Variants in NELL1 observed in about 807,000 individuals in gnomAD.
NELL1 encodes the protein protein kinase C-binding protein NELL1.
In NELL1, 76 loss-of-function variants were observed where a neutral mutation model predicts 107.4. The observed-to-expected ratio is 0.71, with a 90% CI of 0.59 to 0.86. The LOEUF is 0.86. Ranked by LOEUF, NELL1 falls within the 40% of genes least tolerant of loss-of-function variation. NELL1 has a pLI of 0.00. For synonymous variants in NELL1, 353 were observed against 341.2 expected, an observed-to-expected ratio of 1.03 and a Z score of -0.38; for missense variants, 1,024 against 1,005.5, an observed-to-expected ratio of 1.02 and a Z score of -0.25.
At chr11:20,785,286 A>G (rs1039269315) in intron 3 of NELL1, among the ~76,000 whole-genome samples, 1 of 152,180 alleles carries the variant, frequency 6.6e-6, no homozygotes, top group Non-Finnish European at 1.5e-5. Flanking sequence ...GACCCTGATC[A>G]TTTTGTGGGG....
At chr11:20,798,005 A>G (rs1462047286) in intron 3 of NELL1, among the ~76,000 whole-genome samples, 1 of 152,234 alleles carries the variant, frequency 6.6e-6, no homozygotes, top group Non-Finnish European at 1.5e-5. Flanking sequence ...ATGCTGCCAA[A>G]TGCTAGGAGA....
chr11:21,245,571 C>G (rs965491802), intron 14 of NELL1, among the ~76,000 whole-genome samples: 2 of 152,182 alleles, frequency 1.3e-5, no homozygotes, highest in African/African-American at 2.4e-5. Context: ...GAATATCACT[C>G]TCTGTCCTGG....
intron 13 of NELL1, among the ~76,000 whole-genome samples, chr11:21,161,930 T>C (rs899313266): frequency 1.4e-5 from 2 of 145,020 alleles, no homozygotes; most frequent in Non-Finnish European, 3.0e-5. Flanking sequence ...CAATCTTTTC[T>C]CTGGGAACAT....
intron 15 of NELL1, among the ~76,000 whole-genome samples, chr11:21,421,883 T>A (rs2133822870): frequency 6.6e-6 from 1 of 152,244 alleles, no homozygotes; most frequent in East Asian, 1.9e-4. Flanking sequence ...AAAGATAATC[T>A]GGAAAGCGGC....
At chr11:20,927,986 T>C (rs1413615245) in intron 8 of NELL1, among the ~76,000 whole-genome samples, 3 of 152,216 alleles carry the variant, frequency 2.0e-5, no homozygotes, top group African/African-American at 7.2e-5. Flanking sequence ...CCCTGTCCAG[T>C]TGAAATTACT....
At chr11:21,152,290 C>T (rs911467979) in intron 13 of NELL1, among the ~76,000 whole-genome samples, 2 of 152,160 alleles carry the variant, frequency 1.3e-5, no homozygotes, top group Admixed American at 1.3e-4. Flanking sequence ...CCAATTCTCT[C>T]CTCGCCACCT....
At chr11:21,397,293 T>C (rs1220848471) in intron 15 of NELL1, among the ~76,000 whole-genome samples, 2 of 151,628 alleles carry the variant, frequency 1.3e-5, no homozygotes, top group Admixed American at 1.3e-4. Flanking sequence ...GCATCAGGCA[T>C]GAATAGATTC....
intron 14 of NELL1, among the ~76,000 whole-genome samples, chr11:21,269,391 C>G (rs1848697497): frequency 6.6e-6 from 1 of 151,562 alleles, no homozygotes; most frequent in Non-Finnish European, 1.5e-5. Flanking sequence ...CACACACACA[C>G]AGAGGCATAT....
chr11:21,384,285 G>A (rs557687357), intron 15 of NELL1, among the ~76,000 whole-genome samples: 17 of 151,846 alleles, frequency 1.1e-4, no homozygotes, highest in African/African-American at 3.1e-4. Flanking sequence ...TTTTCACTGC[G>A]TAAAAGTCAA....
At chr11:21,411,005 A>T (rs1024460773) in intron 15 of NELL1, among the ~76,000 whole-genome samples, 5 of 152,096 alleles carry the variant, frequency 3.3e-5, no homozygotes, top group African/African-American at 1.2e-4. Flanking sequence ...AATATACCAG[A>T]TGTGATAGAA....
intron 2 of NELL1, among the ~76,000 whole-genome samples, chr11:20,757,109 C>G (rs1856313637): frequency 6.6e-6 from 1 of 151,766 alleles, no homozygotes; most frequent in Non-Finnish European, 1.5e-5. Flanking sequence ...CTCTGTAACT[C>G]CTTTCTTTCT....
chr11:21,151,253 T>C (rs1305265403), intron 13 of NELL1, among the ~76,000 whole-genome samples: 1 of 152,110 alleles, frequency 6.6e-6, no homozygotes, highest in Non-Finnish European at 1.5e-5. Context: ...GCTTCATTTG[T>C]TGTTTGTTTA....
chr11:20,885,451 G>A lies in NELL1; in HGVS notation c.514G>A (p.Glu172Lys), dbSNP rs1327462504. ...LLHVDCNRIYERVIDPPDTNL... is the reference protein window; with the variant it reads ...LLHVDCNRIYKRVIDPPDTNL... The stretch of plus-strand genomic sequence containing the variant: ...TGTTCTTTGCCTTTACAGGATTTAT[G>A]AGCGTGTGATAGACCCTCCAGATAC... Residue 172 changes from glutamate to lysine, a missense_variant, in exon 5 of 20, where the codon GAG becomes AAG. By Grantham distance (56) the Glu-to-Lys change is moderately conservative. Coordinates refer to ENST00000357134, the MANE Select transcript of NELL1 (RefSeq NM_006157.5). 5 of 1,607,990 alleles carry A rather than the reference G, an allele frequency of 3.1e-6. No individual in the cohort carries two copies. In the East Asian group the frequency reaches 6.7e-5, roughly 22 times the overall value.
intron 3 of NELL1, among the ~76,000 whole-genome samples, chr11:20,823,576 G>T (rs1222071667): frequency 6.6e-6 from 1 of 151,362 alleles, no homozygotes; most frequent in Admixed American, 6.6e-5. Context: ...TATTTTAATT[G>T]CTTGGAGAGC....
intron 12 of NELL1, among the ~76,000 whole-genome samples, chr11:21,069,253 C>T (rs1028421618): frequency 2.6e-5 from 4 of 152,034 alleles, no homozygotes; most frequent in African/African-American, 9.7e-5. Context: ...CAAAGCTGCA[C>T]GTCCTGCACA....
At chr11:20,931,082 T>C (rs1850608032) in intron 9 of NELL1, among the ~76,000 whole-genome samples, 1 of 152,150 alleles carries the variant, frequency 6.6e-6, no homozygotes, top group South Asian at 2.1e-4. Context: ...TACTGATGCC[T>C]GGAATAATGA....
intron 9 of NELL1, among the ~76,000 whole-genome samples, chr11:20,931,808 G>A (rs2134177648): frequency 6.6e-6 from 1 of 151,780 alleles, no homozygotes; most frequent in Admixed American, 6.6e-5. Context: ...TTTTTGTGGA[G>A]CTGCCTGAAG....
At chr11:20,987,636 T>G (rs1247354954) in intron 12 of NELL1, among the ~76,000 whole-genome samples, 1 of 152,098 alleles carries the variant, frequency 6.6e-6, no homozygotes, top group African/African-American at 2.4e-5. Flanking sequence ...GATGATTCAA[T>G]TACCTCCCAC....
chr11:21,384,324 G>GTTACTCTGGGACCACC (rs1564869053), intron 15 of NELL1, among the ~76,000 whole-genome samples: 2 of 151,864 alleles, frequency 1.3e-5, no homozygotes, highest in Non-Finnish European at 2.9e-5. Context: ...TAAGGCCCTA[G>GTTACTCTGGGACCACC]TTACTCTGGG....
Sources: allele counts gnomAD v4.1 joint callset (sites outside exome capture counted in the v4.1 genomes callset), GRCh38; gene constraint gnomAD v4.1.1; transcripts MANE v1.5; gene names NCBI Gene and HGNC (gene_info 2026-07-23, HGNC 2026-07-21).